Variants in PDCD10 observed in about 807,000 individuals in gnomAD.
The protein encoded by PDCD10 is programmed cell death protein 10.
A neutral mutation model predicts 29.2 loss-of-function variants in PDCD10; 4 were observed. The observed-to-expected ratio is 0.14, with a 90% CI of 0.07 to 0.31. PDCD10 has a LOEUF of 0.31. PDCD10 is among the 10% of genes least tolerant of loss of function. The pLI, the probability that PDCD10 is intolerant of heterozygous loss-of-function variation, is 1.00. For missense variants in PDCD10, 183 were observed against 257.9 expected (o/e 0.71, Z 1.99); for synonymous variants, 70 against 82.2 (o/e 0.85, Z 0.80).
intron 3 of PDCD10, among the ~76,000 whole-genome samples, chr3:167,712,765 G>C (rs1473889783): frequency 6.6e-6 from 1 of 151,904 alleles, no homozygotes; most frequent in Non-Finnish European, 1.5e-5. Context: ...GACGAAAAAA[G>C]ATATTCCATG....
rs549708334 is a variant in PDCD10, at chr3:167,685,047, C to T, written c.558-658G>A. 7.2e-5 allele frequency among the ~76,000 whole-genome samples: 11 copies of T among 152,176 alleles called. No individual in the cohort carries two copies. The South Asian group carries it at 2.3e-3, about 32-fold the overall frequency. On this transcript the variant is annotated intron_variant, in intron 8 of 8. Transcript: ENST00000392750. The stretch of plus-strand genomic sequence containing the variant: ...GGATTCAGAGATGATGCCCTAGTCC[C>T]ACTGTGTGGCCTCAACAGTTTCCTA...
intron 3 of PDCD10, among the ~76,000 whole-genome samples, chr3:167,713,110 C>T (rs1421421393): frequency 6.6e-6 from 1 of 151,984 alleles, no homozygotes; most frequent in East Asian, 1.9e-4. Context: ...TGAACCTAAA[C>T]AGAATATTCC....
At chr3:167,698,400 G>C (rs1721024922) in intron 4 of PDCD10, among the ~76,000 whole-genome samples, 1 of 152,088 alleles carries the variant, frequency 6.6e-6, no homozygotes, top group Non-Finnish European at 1.5e-5. Context: ...GCCAGGCATG[G>C]TGGGGTGTGG....
intron 3 of PDCD10, among the ~76,000 whole-genome samples, chr3:167,719,118 T>A (rs1020686858): frequency 6.6e-6 from 1 of 152,046 alleles, no homozygotes; most frequent in Non-Finnish European, 1.5e-5. Context: ...AAAAAAATGG[T>A]TTTGAAATGC....
rs192920686 is a variant in PDCD10 at position 167,704,746 on chromosome 3, T to C, written c.150+96A>G. The C allele has an allele frequency of 4.1e-3, 3,578 of 862,842 alleles. 13 individuals are homozygous for C. Among genetic ancestry groups the C allele is most frequent in the Non-Finnish European group, 4.9e-3 (2,473 of 509,582 alleles). The allele number at this position is 862,842 out of a possible 1,614,324, so 53.4% of individuals were successfully genotyped here. A position where few individuals can be genotyped will look rare whatever the true frequency, so the allele number is the denominator to read the frequency against. Reference sequence around the variant, plus strand: ...ACAGGCATAAGATGGCTAAAAAGGCTTTCCCTTAAAGAAAATAAACTGGCA... The same window carrying C: ...ACAGGCATAAGATGGCTAAAAAGGCCTTCCCTTAAAGAAAATAAACTGGCA... On this transcript the variant is annotated intron_variant, in intron 4 of 8. Transcript: ENST00000392750.
intron 4 of PDCD10, among the ~76,000 whole-genome samples, chr3:167,702,118 C>A (rs1339110805): frequency 6.6e-6 from 1 of 152,128 alleles, no homozygotes; most frequent in African/African-American, 2.4e-5. Context: ...TGGTACTGTA[C>A]AGAAACATTT....
At chr3:167,725,138 T>C (rs1400305999) in intron 2 of PDCD10, among the ~76,000 whole-genome samples, 1 of 151,914 alleles carries the variant, frequency 6.6e-6, no homozygotes, top group African/African-American at 2.4e-5. Flanking sequence ...GCTTCTGTAG[T>C]CCCAGCTACT....
chr3:167,704,721 A>T lies in PDCD10; in HGVS notation c.150+121T>A, dbSNP rs577002328. ...TTTAAGCTTTATGGAATATAGTAAA[A>T]CAGGCATAAGATGGCTAAAAAGGCT... On this transcript the variant is annotated intron_variant, in intron 4 of 8. Transcript: ENST00000392750. 2.0e-4 allele frequency: 145 copies of T among 709,152 alleles called. 1 individual carries two copies. In the African/African-American group the frequency reaches 2.4e-3, roughly 12 times the overall value. 43.9% of individuals were successfully genotyped at this position (709,152 alleles called of 1,614,324 possible). A position where few individuals can be genotyped will look rare whatever the true frequency, so the allele number is the denominator to read the frequency against.
intron 8 of PDCD10, 63 bp from the exon 9 acceptor site, chr3:167,684,452 T>C (rs769507294): frequency 6.7e-5 from 61 of 904,822 alleles, no homozygotes; most frequent in Non-Finnish European, 1.1e-4. Context: ...TTAAGATTTA[T>C]ACTATTAACA....
At chr3:167,709,790 C>T (rs1429935135) in intron 3 of PDCD10, among the ~76,000 whole-genome samples, 1 of 90,080 alleles carries the variant, frequency 1.1e-5, no homozygotes, top group Non-Finnish European at 2.2e-5. Context: ...CCCCCAGTCC[C>T]AGGCAGCAGA....
intron 4 of PDCD10, among the ~76,000 whole-genome samples, chr3:167,700,870 C>T (rs1045865488): frequency 6.6e-6 from 1 of 152,070 alleles, no homozygotes; most frequent in African/African-American, 2.4e-5. Context: ...AAAATATCTG[C>T]CTGAAAAGGT....
At chr3:167,722,776 G>A (rs1167298493) in intron 2 of PDCD10, among the ~76,000 whole-genome samples, 2 of 152,088 alleles carry the variant, frequency 1.3e-5, no homozygotes, top group Admixed American at 6.5e-5. Context: ...TAAGGTAAGT[G>A]GCCAGAGTCA....
At chr3:167,707,474 C>G (rs1350991365) in intron 3 of PDCD10, among the ~76,000 whole-genome samples, 1 of 151,938 alleles carries the variant, frequency 6.6e-6, no homozygotes, top group African/African-American at 2.4e-5. Context: ...GTCAGGAGAT[C>G]GAGACCATCC....
intron 2 of PDCD10, among the ~76,000 whole-genome samples, chr3:167,729,641 T>C (rs1038487754): frequency 6.6e-6 from 1 of 152,222 alleles, no homozygotes; most frequent in Non-Finnish European, 1.5e-5. Context: ...AAATGCTTAT[T>C]AGCATGAGAC....
At chr3:167,718,507 T>G (rs182830304) in intron 3 of PDCD10, among the ~76,000 whole-genome samples, 1 of 150,102 alleles carries the variant, frequency 6.7e-6, no homozygotes, top group Non-Finnish European at 1.5e-5. Flanking sequence ...TAACAGGAGG[T>G]TTTTCAAAAG....
intron 3 of PDCD10, among the ~76,000 whole-genome samples, chr3:167,718,509 T>A (rs769505060): frequency 2.0e-5 from 3 of 152,150 alleles, no homozygotes; most frequent in Non-Finnish European, 4.4e-5. Flanking sequence ...ACAGGAGGTT[T>A]TTCAAAAGAT....
chr3:167,718,385 GGTAA>G (rs758108549), intron 3 of PDCD10, among the ~76,000 whole-genome samples: 20 of 152,002 alleles, frequency 1.3e-4, no homozygotes, highest in East Asian at 3.9e-4. Flanking sequence ...GAAATGAATG[GGTAA>G]GTATCAGAAA....
At chr3:167,725,763 T>TTATA (rs67647566) in intron 2 of PDCD10, among the ~76,000 whole-genome samples, 810 of 76,998 alleles carry the variant, frequency 0.011, 72 homozygotes, top group Non-Finnish European at 0.015. Flanking sequence ...ATTGTATCGT[T>TTATA]TATATATATA....
intron 2 of PDCD10, among the ~76,000 whole-genome samples, chr3:167,724,500 A>G (rs139446662): frequency 3.2e-4 from 48 of 152,308 alleles, no homozygotes; most frequent in African/African-American, 1.1e-3. Context: ...TCCTGTGTTT[A>G]TGTTCCCATT....
Sources: allele counts gnomAD v4.1 joint callset (sites outside exome capture counted in the v4.1 genomes callset), GRCh38; gene constraint gnomAD v4.1.1; transcripts MANE v1.5; gene names NCBI Gene and HGNC (gene_info 2026-07-23, HGNC 2026-07-21).